The following ADGRB3 variants were observed in gnomAD, a reference collection of about 807,000 sequenced individuals.
ADGRB3 encodes the protein brain-specific angiogenesis inhibitor 3.
A neutral mutation model predicts 193.4 loss-of-function variants in ADGRB3; 37 were observed. The observed-to-expected ratio is 0.19, with a 90% CI of 0.15 to 0.25. ADGRB3 has a LOEUF of 0.25. Ranked by LOEUF, ADGRB3 falls within the 10% of genes least tolerant of loss-of-function variation. The pLI, the probability that ADGRB3 is intolerant of heterozygous loss-of-function variation, is 1.00. For synonymous variants in ADGRB3, 690 were observed against 644.2 expected (o/e 1.07, Z -1.08); for missense variants, 1,637 against 1,852.9 (o/e 0.88, Z 2.14).
chr6:69,040,709 A>AAAAAAAAAAAAAAAT (rs1771039002), intron 13 of ADGRB3, among the ~76,000 whole-genome samples: 1 of 57,254 alleles, frequency 1.7e-5, no homozygotes, highest in Non-Finnish European at 3.7e-5. Context: ...AAAAAAAAAA[A>AAAAAAAAAAAAAAAT]CAAACAAGAA....
At chr6:69,035,292 A>G (rs940670573) in intron 13 of ADGRB3, among the ~76,000 whole-genome samples, 4 of 152,076 alleles carry the variant, frequency 2.6e-5, no homozygotes, top group African/African-American at 9.7e-5. Flanking sequence ...AAAAAATTAC[A>G]TTTGGTTAGG....
At chr6:68,894,576 T>G (rs142908124) in intron 3 of ADGRB3, among the ~76,000 whole-genome samples, 3 of 151,870 alleles carry the variant, frequency 2.0e-5, no homozygotes. Context: ...CAAAGGAGTA[T>G]AGTAGAAAGT....
intron 3 of ADGRB3, among the ~76,000 whole-genome samples, chr6:68,835,124 G>C (rs941803196): frequency 6.6e-6 from 1 of 152,070 alleles, no homozygotes; most frequent in Non-Finnish European, 1.5e-5. Context: ...ATTAAACTTT[G>C]ACCTTACACA....
intron 8 of ADGRB3, among the ~76,000 whole-genome samples, chr6:68,965,445 GTTTTTT>G (rs66575626): frequency 6.7e-6 from 1 of 148,640 alleles, no homozygotes; most frequent in Admixed American, 6.7e-5. Context: ...AGTAGTACAT[GTTTTTT>G]TTTTGTGTGT....
intron 3 of ADGRB3, among the ~76,000 whole-genome samples, chr6:68,902,110 A>G (rs746898056): frequency 6.6e-6 from 1 of 152,134 alleles, no homozygotes; most frequent in Non-Finnish European, 1.5e-5. Flanking sequence ...CTTGGTGTAT[A>G]GAATGCACAA....
At chr6:68,977,055 T>C (rs1037698322) in intron 10 of ADGRB3, among the ~76,000 whole-genome samples, 6 of 148,890 alleles carry the variant, frequency 4.0e-5, no homozygotes, top group African/African-American at 1.5e-4. Flanking sequence ...AATAAGATTT[T>C]ATATTTATAT....
At chr6:69,217,395 A>G in intron 17 of ADGRB3, among the ~76,000 whole-genome samples, 1 of 152,204 alleles carries the variant, frequency 6.6e-6, no homozygotes, top group East Asian at 1.9e-4. Flanking sequence ...GGGAGAAAAA[A>G]AAGATTTTTA....
chr6:68,958,428 C>A (rs1202038673), intron 8 of ADGRB3, among the ~76,000 whole-genome samples: 2 of 152,030 alleles, frequency 1.3e-5, no homozygotes, highest in African/African-American at 2.4e-5. Context: ...AAATCAACCC[C>A]TTCAATATTT....
chr6:69,311,049 A>G (rs990547401), intron 20 of ADGRB3, among the ~76,000 whole-genome samples: 8 of 151,756 alleles, frequency 5.3e-5, no homozygotes, highest in Admixed American at 1.3e-4. Flanking sequence ...GTAATTGTCT[A>G]TTAAAACAAT....
At chr6:68,910,519 T>C (rs1341012812) in intron 3 of ADGRB3, among the ~76,000 whole-genome samples, 1 of 152,248 alleles carries the variant, frequency 6.6e-6, no homozygotes, top group Non-Finnish European at 1.5e-5. Flanking sequence ...GGTTTTCTTC[T>C]AGGGTTTTTA....
At chr6:68,637,905 A>G (rs942203894) in intron 2 of ADGRB3, among the ~76,000 whole-genome samples, 10 of 152,134 alleles carry the variant, frequency 6.6e-5, no homozygotes, top group African/African-American at 1.2e-4. Context: ...TGACTGCCCT[A>G]AATCCTGGTT....
At chr6:68,695,143 A>C (rs1055001941) in intron 3 of ADGRB3, among the ~76,000 whole-genome samples, 1 of 152,060 alleles carries the variant, frequency 6.6e-6, no homozygotes, top group Non-Finnish European at 1.5e-5. Context: ...AAATGGCTAC[A>C]TGTGGCTAGT....
At chr6:68,675,471 G>T (rs1313932362) in intron 3 of ADGRB3, among the ~76,000 whole-genome samples, 2 of 152,042 alleles carry the variant, frequency 1.3e-5, no homozygotes, top group Non-Finnish European at 2.9e-5. Context: ...TTAGAACTAA[G>T]AAATTAATTT....
chr6:68,785,529 G>A (rs1056039638), intron 3 of ADGRB3, among the ~76,000 whole-genome samples: 4 of 151,758 alleles, frequency 2.6e-5, no homozygotes, highest in African/African-American at 9.7e-5. Context: ...GTGTATATGT[G>A]CCACATTTTG....
At chr6:68,775,168 T>C (rs971826350) in intron 3 of ADGRB3, among the ~76,000 whole-genome samples, 1 of 57,230 alleles carries the variant, frequency 1.7e-5, no homozygotes, top group Non-Finnish European at 3.5e-5. Context: ...AAAAGTCTTT[T>C]AATGTTAGTT....
Position 68,639,117 on chromosome 6 carries a change from G to T in ADGRB3, c.442G>T (p.Asp148Tyr). 3 of 1,614,156 alleles carry T rather than the reference G, an allele frequency of 1.9e-6. No homozygotes were observed. The highest frequency in any genetic ancestry group is 2.5e-6 in the Non-Finnish European group (3 of 1,180,046). The change falls in exon 3 of 32, where the codon GAT (aspartate) becomes TAT (tyrosine). Residue 148 changes from aspartate (D) to tyrosine (Y), a missense_variant. By Grantham distance (160) the Asp-to-Tyr change is radical. Transcript: ENST00000370598. Reference protein sequence around the residue: ...FPGLQKKGEEDQKSFFEFLVL... With the variant: ...FPGLQKKGEEYQKSFFEFLVL... ...AGGATTACAGAAAAAAGGGGAAGAA[G>T]ATCAGAAATCTTTTTTTGAGTTTTT...
chr6:68,800,614 C>A (rs561036860), intron 3 of ADGRB3, among the ~76,000 whole-genome samples: 2 of 152,186 alleles, frequency 1.3e-5, no homozygotes, highest in African/African-American at 4.8e-5. Context: ...AGGGGAAATC[C>A]TATCTGTGAA....
Position 69,271,173 on chromosome 6 carries a change from C to T in ADGRB3, c.2814+31947C>T, listed in dbSNP as rs115613855. Among the ~76,000 whole-genome samples, 741 of 152,148 alleles carry T rather than the reference C, an allele frequency of 4.9e-3. 3 individuals carry two copies. Among genetic ancestry groups the T allele is most frequent in the African/African-American group, 0.017 (713 of 41,516 alleles). ...TATGTAAATATGAAACAAAGCTGAA[C>T]GATAAGGAAAGCAGGGCACAGTTAA... On this transcript the variant is annotated intron_variant, in intron 20 of 31. Coordinates refer to ENST00000370598, the MANE Select transcript of ADGRB3 (RefSeq NM_001704.3).
intron 17 of ADGRB3, among the ~76,000 whole-genome samples, chr6:69,158,011 C>G (rs1774891266): frequency 6.6e-6 from 1 of 152,086 alleles, no homozygotes; most frequent in South Asian, 2.1e-4. Flanking sequence ...ATCATCCTCT[C>G]TAATCTACTC....
Sources: allele counts gnomAD v4.1 joint callset (sites outside exome capture counted in the v4.1 genomes callset), GRCh38; gene constraint gnomAD v4.1.1; transcripts MANE v1.5; gene names NCBI Gene and HGNC (gene_info 2026-07-23, HGNC 2026-07-21).